The following TEK variants were observed in gnomAD, a reference collection of about 807,000 sequenced individuals.
TEK encodes the protein TEK receptor tyrosine kinase, also known as angiopoietin-1 receptor.
Under a neutral mutation model 131.8 loss-of-function variants are expected in TEK, and 43 were observed. The observed-to-expected ratio is 0.33, with a 90% CI of 0.26 to 0.42. TEK has a LOEUF of 0.42. Ranked by LOEUF, TEK falls within the 10% of genes least tolerant of loss-of-function variation. TEK has a pLI of 1.00. For synonymous variants in TEK, 580 were observed against 491.6 expected (o/e 1.18, Z -2.38); for missense variants, 1,162 against 1,384.4 (o/e 0.84, Z 2.55).
In TEK at chr9:27,173,357, A is replaced by G. The variant is rs1372354897; in HGVS notation, c.896A>G (p.Asn299Ser). 2.5e-6 allele frequency: 4 copies of G among 1,613,766 alleles called. No homozygotes were observed. Among genetic ancestry groups the G allele is most frequent in the Admixed American group, 1.7e-5 (1 of 59,980 alleles). The change falls in exon 6 of 23, where the codon AAT becomes AGT. Residue 299 changes from asparagine (N) to serine (S), a missense_variant. Physicochemically the swap from Asn to Ser is conservative, Grantham distance 46. Around this residue, in one of 6 missense-constraint regions of TEK, gnomAD observed 436 missense variants for 539.1 expected, o/e 0.81. Transcript: ENST00000380036. ...CATGWKGLQC[N>S]EACHPGFYGP... ...ACAGGCTGGAAGGGTCTGCAGTGCA[A>G]TGAAGGTATGCACCAATCACACCCT...
intron 1 of TEK, among the ~76,000 whole-genome samples, chr9:27,125,728 A>G (rs1821961271): frequency 6.6e-6 from 1 of 152,230 alleles, no homozygotes; most frequent in African/African-American, 2.4e-5. Context: ...TAGGTGTATA[A>G]CAAATGTTCA....
intron 4 of TEK, among the ~76,000 whole-genome samples, chr9:27,169,901 C>T (rs1429921463): frequency 6.6e-6 from 1 of 152,140 alleles, no homozygotes; most frequent in Non-Finnish European, 1.5e-5. Flanking sequence ...CAGGGCAAAT[C>T]ATTTTCTTTT....
Position 27,185,519 on chromosome 9 carries a change from T to G in TEK, c.1217T>G (p.Val406Gly), listed in dbSNP as rs1824563357. The change falls in exon 9 of 23, where the codon GTA becomes GGA. Residue 406 changes from valine (V) to glycine (G), a missense_variant. By Grantham distance (109) the Val-to-Gly change is moderately radical (BLOSUM62 -3). Transcript: ENST00000380036. Reference protein sequence around the residue: ...KDFNHTDHFSVAIFTIHRILP... With the variant: ...KDFNHTDHFSGAIFTIHRILP... ...TTTAACCATACGGATCATTTCTCAG[T>G]AGCCATATTCACCATCCACCGGATC... 6.2e-7 allele frequency: 1 copy of G among 1,613,712 alleles called. No individual in the cohort carries two copies. The highest frequency in any genetic ancestry group is 1.3e-5 in the African/African-American group (1 of 74,884).
chr9:27,176,000 T>C (rs541940938), intron 6 of TEK, among the ~76,000 whole-genome samples: 1 of 152,320 alleles, frequency 6.6e-6, no homozygotes, highest in South Asian at 2.1e-4. Context: ...CATGAACTCA[T>C]CTCAGCCCAT....
intron 1 of TEK, among the ~76,000 whole-genome samples, chr9:27,156,687 T>C (rs951328387): frequency 2.6e-5 from 4 of 152,184 alleles, no homozygotes; most frequent in Non-Finnish European, 5.9e-5. Flanking sequence ...CATTTCTTCA[T>C]ATTTAAAATT....
chr9:27,194,488 A>G lies in TEK; in HGVS notation c.1624+1865A>G, dbSNP rs146288294. On this transcript the variant is annotated intron_variant, in intron 11 of 22. Coordinates refer to ENST00000380036, the MANE Select transcript of TEK (RefSeq NM_000459.5). ...AACCCAGAAACTATATAGAGAGGAA[A>G]AAGGGACCTCTACAACCATGACCCA... Among the ~76,000 whole-genome samples, 59 of 152,308 alleles carry G rather than the reference A, an allele frequency of 3.9e-4. No homozygotes were observed. In the East Asian group the frequency reaches 6.7e-3, roughly 17 times the overall value.
chr9:27,180,924 TA>T (rs1824345049), intron 7 of TEK, among the ~76,000 whole-genome samples: 2 of 152,224 alleles, frequency 1.3e-5, no homozygotes, highest in African/African-American at 4.8e-5. Context: ...TTCAACTTTT[TA>T]AAATGTAAAT....
chr9:27,137,047 C>G (rs1018851623), intron 1 of TEK, among the ~76,000 whole-genome samples: 7 of 152,136 alleles, frequency 4.6e-5, no homozygotes, highest in African/African-American at 1.7e-4. Context: ...TCCCGAGTAG[C>G]TGGGACTATA....
rs761113800 is a variant in TEK at position 27,192,641 on chromosome 9, G to A, written c.1624+18G>A. ...TTCTATCGGTCAGTGGAAGCCAACA[G>A]GCATTTATTCATGAGCTGGGTGGGA... On this transcript the variant is annotated intron_variant, in intron 11 of 22. Coordinates refer to ENST00000380036, the MANE Select transcript of TEK (RefSeq NM_000459.5). 13 of 1,598,590 alleles carry A rather than the reference G, an allele frequency of 8.1e-6. No individual in the cohort carries two copies. The South Asian group carries it at 1.4e-4, about 18-fold the overall frequency.
chr9:27,204,848 C>A, intron 13 of TEK, 63 bp from the exon 14 acceptor site: 2 of 1,593,870 alleles, frequency 1.3e-6, no homozygotes, highest in Non-Finnish European at 1.7e-6. Flanking sequence ...CTCCCACATA[C>A]GGTGTGGGTC....
rs528303765 is a variant in TEK, at chr9:27,169,813, G to A, written c.628+184G>A. Among the ~76,000 whole-genome samples the A allele has an allele frequency of 3.0e-4, 45 of 152,338 alleles. 1 individual carries two copies. The Middle Eastern group carries it at 0.014, about 46-fold the overall frequency. ...AAGAGATAGCAATCATTAGAGGAAT[G>A]ACAGAGAAACCCAGGTATTTAGACC... On this transcript the variant is annotated intron_variant, in intron 4 of 22. Transcript: ENST00000380036.
At chr9:27,168,248 A>G (rs546920515) in intron 2 of TEK, among the ~76,000 whole-genome samples, 56 of 152,354 alleles carry the variant, frequency 3.7e-4, no homozygotes, top group Middle Eastern at 3.4e-3. Context: ...AAAATTGTGT[A>G]TAGGCATATT....
intron 15 of TEK, 103 bp from the exon 16 acceptor site, chr9:27,209,018 A>G: frequency 1.3e-6 from 1 of 762,774 alleles, no homozygotes; most frequent in South Asian, 1.4e-5. Context: ...TATACAGTTG[A>G]TGGTGACTGA....
intron 1 of TEK, among the ~76,000 whole-genome samples, chr9:27,134,082 G>A (rs1427087583): frequency 2.0e-5 from 3 of 152,210 alleles, no homozygotes; most frequent in Non-Finnish European, 2.9e-5. Flanking sequence ...CGTATGTAGA[G>A]GCTGGTAATG....
intron 1 of TEK, among the ~76,000 whole-genome samples, chr9:27,121,703 TA>T (rs1564037760): frequency 6.6e-6 from 1 of 152,060 alleles, no homozygotes; most frequent in Non-Finnish European, 1.5e-5. Flanking sequence ...TTAATTTAAA[TA>T]TAATGATTGA....
At chr9:27,138,913 G>C (rs1445313332) in intron 1 of TEK, among the ~76,000 whole-genome samples, 1 of 152,032 alleles carries the variant, frequency 6.6e-6, no homozygotes, top group African/African-American at 2.4e-5. Flanking sequence ...TAGCAGTTTT[G>C]AAAGTAGGAT....
intron 1 of TEK, among the ~76,000 whole-genome samples, chr9:27,136,146 A>G (rs1822425548): frequency 6.9e-6 from 1 of 144,098 alleles, no homozygotes; most frequent in South Asian, 2.2e-4. Flanking sequence ...CAGTGGCACG[A>G]TCTTGGCTCA....
chr9:27,157,330 T>TGTC (rs1256781302), intron 1 of TEK, among the ~76,000 whole-genome samples: 1 of 152,218 alleles, frequency 6.6e-6, no homozygotes, highest in African/African-American at 2.4e-5. Context: ...AGTCACTGTC[T>TGTC]GTCACTTATC....
In TEK at chr9:27,135,652, G is replaced by T. The variant is rs147705643; in HGVS notation, c.53-22179G>T. Among the ~76,000 whole-genome samples the T allele has an allele frequency of 3.3e-4, 50 of 152,236 alleles. No homozygotes were observed. The East Asian group carries it at 7.9e-3, about 24-fold the overall frequency. On this transcript the variant is annotated intron_variant, in intron 1 of 22. Transcript: ENST00000380036. ...GTACCACCAGCTTCATTTTACAGATGACCAATCTGAGGCACAGAGGCTAAA... is the reference window on the plus strand; with the variant it reads ...GTACCACCAGCTTCATTTTACAGATTACCAATCTGAGGCACAGAGGCTAAA...
Sources: allele counts gnomAD v4.1 joint callset (sites outside exome capture counted in the v4.1 genomes callset), GRCh38; gene constraint gnomAD v4.1.1; regional missense constraint gnomAD v4.1.1; transcripts MANE v1.5; gene names NCBI Gene and HGNC (gene_info 2026-07-23, HGNC 2026-07-21).